Variants in PRKCH observed in about 807,000 individuals in gnomAD.
PRKCH encodes the protein protein kinase C eta type.
A neutral mutation model predicts 82.5 loss-of-function variants in PRKCH; 28 were observed. The ratio of observed to expected loss-of-function variants is 0.34; its 90% CI spans 0.25 to 0.47. PRKCH has a LOEUF of 0.47. PRKCH is among the 20% of genes least tolerant of loss of function. The pLI, the probability that PRKCH is intolerant of heterozygous loss-of-function variation, is 1.00. For missense variants in PRKCH, 705 were observed against 881.8 expected (o/e 0.80, Z 2.54); for synonymous variants, 322 against 327.4 (o/e 0.98, Z 0.18).
At chr14:61,287,204 T>TA (rs35045657) in intron 1 of PRKCH, among the ~76,000 whole-genome samples, 5,186 of 57,758 alleles carry the variant, frequency 0.09, 481 homozygotes, top group African/African-American at 0.19. Flanking sequence ...GACTCCGTCT[T>TA]AAAAAAAAAA....
intron 1 of PRKCH, among the ~76,000 whole-genome samples, chr14:61,215,913 G>A (rs1171883494): frequency 6.6e-6 from 1 of 152,170 alleles, no homozygotes; most frequent in Non-Finnish European, 1.5e-5. Flanking sequence ...TCGCAGAATT[G>A]AGACTGCTGC....
At chr14:61,422,456 T>C (rs1792285161) in intron 2 of PRKCH, among the ~76,000 whole-genome samples, 1 of 152,156 alleles carries the variant, frequency 6.6e-6, no homozygotes. Flanking sequence ...TTCTAGAATA[T>C]ATCCTGTTCC....
At chr14:61,494,692 G>T (rs12897140) in intron 10 of PRKCH, among the ~76,000 whole-genome samples, 1 of 152,122 alleles carries the variant, frequency 6.6e-6, no homozygotes, top group Non-Finnish European at 1.5e-5. Context: ...GCTGTCACCT[G>T]ATTTGGGTTT....
chr14:61,404,087 C>T (rs1002950181), intron 2 of PRKCH, among the ~76,000 whole-genome samples: 2 of 152,198 alleles, frequency 1.3e-5, no homozygotes, highest in African/African-American at 2.4e-5. Context: ...TCCCTAATAA[C>T]ACCCTGTGTC....
At chr14:61,548,440 G>A (rs2043286973) in intron 13 of PRKCH, among the ~76,000 whole-genome samples, 1 of 152,318 alleles carries the variant, frequency 6.6e-6, no homozygotes, top group Non-Finnish European at 1.5e-5. Flanking sequence ...TCCAAGCTCT[G>A]CAGCTGAGGC....
At chr14:61,204,800 T>C (rs7153198) in intron 1 of PRKCH, among the ~76,000 whole-genome samples, 42,630 of 149,412 alleles carry the variant, frequency 0.29, 6,236 homozygotes, top group Admixed American at 0.38. Context: ...AATAGAGGTA[T>C]AGGGCATTCT....
At position 61,210,161 on chromosome 14, in the gene PRKCH, T is replaced by TATATATAA. The variant is rs1555369165; in HGVS notation, c.-19+22494_-19+22495insTATATAAA. Among the ~76,000 whole-genome samples the TATATATAA allele has an allele frequency of 2.6e-3, 247 of 95,142 alleles. 11 individuals carry two copies. The highest frequency in any genetic ancestry group is 3.7e-3 in the Non-Finnish European group (168 of 45,638). The allele number at this position is 95,142 out of a possible 152,430, so 62.4% of individuals were successfully genotyped here. A position where few individuals can be genotyped will look rare whatever the true frequency, so the allele number is the denominator to read the frequency against. ...ATATATATATATATATATATATATA[T>TATATATAA]AAATTAGCTTGGCATAGTGGCAGGC... On this transcript the variant is annotated intron_variant, in intron 1 of 3. Coordinates refer to the PRKCH transcript ENST00000555185.
rs2140242546 is a variant in PRKCH at position 61,418,699 on chromosome 14, A to G, written c.428-24412A>G. On this transcript the variant is annotated intron_variant, in intron 2 of 13. Coordinates refer to ENST00000332981, the MANE Select transcript of PRKCH (RefSeq NM_006255.5). ...CCCTGGGTTTTGCCTTGGAATTAGT[A>G]AATAGATAGTTCAACAGCAATGGTT... Among the ~76,000 whole-genome samples the G allele has an allele frequency of 2.0e-5, 3 of 152,300 alleles. 1 individual carries two copies. In the South Asian group the frequency reaches 6.2e-4, roughly 32 times the overall value.
chr14:61,248,994 G>T (rs1350632855), intron 1 of PRKCH, among the ~76,000 whole-genome samples: 2 of 152,028 alleles, frequency 1.3e-5, no homozygotes, highest in African/African-American at 4.8e-5. Context: ...TAGCGACGGG[G>T]TTTCGCCATG....
chr14:61,331,390 G>A (rs1164433987), intron 1 of PRKCH, among the ~76,000 whole-genome samples: 1 of 152,118 alleles, frequency 6.6e-6, no homozygotes, highest in African/African-American at 2.4e-5. Context: ...ATGGTGGTGT[G>A]CACCTGTAGT....
chr14:61,256,634 G>C (rs536242539), intron 1 of PRKCH, among the ~76,000 whole-genome samples: 1 of 152,252 alleles, frequency 6.6e-6, no homozygotes, highest in South Asian at 2.1e-4. Flanking sequence ...GTTTTATTGA[G>C]ATGTAAAAAT....
At chr14:61,439,329 G>T (rs1468717352) in intron 2 of PRKCH, among the ~76,000 whole-genome samples, 1 of 152,144 alleles carries the variant, frequency 6.6e-6, no homozygotes, top group Non-Finnish European at 1.5e-5. Flanking sequence ...TTTTGCTCAT[G>T]GCAGCAGTCT....
At chr14:61,414,240 G>A (rs963712819) in intron 2 of PRKCH, among the ~76,000 whole-genome samples, 8 of 151,158 alleles carry the variant, frequency 5.3e-5, no homozygotes, top group Non-Finnish European at 1.0e-4. Flanking sequence ...GTGTCCAGTC[G>A]TGTGCTGGGC....
intron 1 of PRKCH, among the ~76,000 whole-genome samples, chr14:61,288,044 G>A (rs1204901797): frequency 6.6e-6 from 1 of 152,060 alleles, no homozygotes; most frequent in African/African-American, 2.4e-5. Flanking sequence ...TTTTAAAATT[G>A]AATAAATATA....
intron 1 of PRKCH, among the ~76,000 whole-genome samples, chr14:61,250,989 CAG>C (rs566157582): frequency 6.6e-6 from 1 of 152,004 alleles, no homozygotes; most frequent in Non-Finnish European, 1.5e-5. Context: ...ATTTAAATAT[CAG>C]TGTTCAGCCA....
chr14:61,237,074 T>G (rs1274193848), intron 1 of PRKCH, among the ~76,000 whole-genome samples: 1 of 152,002 alleles, frequency 6.6e-6, no homozygotes, highest in Non-Finnish European at 1.5e-5. Context: ...AACCCTTTTT[T>G]GGGGTCTGGA....
intron 1 of PRKCH, among the ~76,000 whole-genome samples, chr14:61,382,835 G>C (rs1432340461): frequency 6.6e-6 from 1 of 152,200 alleles, no homozygotes; most frequent in Non-Finnish European, 1.5e-5. Flanking sequence ...TTTCCTGTCT[G>C]TGATCAATTC....
chr14:61,403,434 T>C (rs57498380), intron 2 of PRKCH, among the ~76,000 whole-genome samples: 2,809 of 152,292 alleles, frequency 0.018, 91 homozygotes, highest in African/African-American at 0.064. Flanking sequence ...AGAATTGTCA[T>C]TTTTTTGAAA....
chr14:61,332,424 A>G lies in PRKCH; in HGVS notation c.363+9960A>G, dbSNP rs140527748. Among the ~76,000 whole-genome samples the G allele has an allele frequency of 3.6e-4, 55 of 152,374 alleles. 1 individual carries two copies. In the East Asian group the frequency reaches 8.7e-3, roughly 24 times the overall value. ...TCAAAGCACATAGGACTTTTGTAGT[A>G]GAAAGCCCACTTAATAGGAAGCTTA... On this transcript the variant is annotated intron_variant, in intron 1 of 13. Coordinates refer to ENST00000332981, the MANE Select transcript of PRKCH (RefSeq NM_006255.5).
Sources: allele counts gnomAD v4.1 joint callset (sites outside exome capture counted in the v4.1 genomes callset), GRCh38; gene constraint gnomAD v4.1.1; transcripts MANE v1.5; gene names NCBI Gene and HGNC (gene_info 2026-07-23, HGNC 2026-07-21).